AFAP1: variants seen among roughly 807,000 people sequenced by gnomAD.
AFAP1 encodes actin filament-associated protein 1.
Under a neutral mutation model 93.9 loss-of-function variants are expected in AFAP1, and 75 were observed. The ratio of observed to expected loss-of-function variants is 0.80; its 90% CI spans 0.66 to 0.97. AFAP1 has a LOEUF of 0.97. Among genes scored for constraint, AFAP1 ranks in the 50% least tolerant of loss-of-function variants. The pLI, the probability that AFAP1 is intolerant of heterozygous loss-of-function variation, is 0.00. For synonymous variants in AFAP1, 517 were observed against 430.7 expected, an observed-to-expected ratio of 1.20 and a Z score of -2.48; for missense variants, 1,201 against 1,050.8, an observed-to-expected ratio of 1.14 and a Z score of -1.98.
At chr4:7,825,016 G>A (rs561340329) in intron 6 of AFAP1, among the ~76,000 whole-genome samples, 5 of 152,198 alleles carry the variant, frequency 3.3e-5, no homozygotes, top group Middle Eastern at 3.4e-3. Context: ...AAAAGACTTG[G>A]CATTTGTATT....
intron 3 of AFAP1, chr4:7,862,268 G>A (rs62289320): frequency 1.3e-5 from 2 of 152,108 alleles, no homozygotes; most frequent in Non-Finnish European, 2.9e-5. Context: ...GGGAGGTCAA[G>A]GCTGCAGTGA....
chr4:7,927,855 T>C (rs753223056), intron 1 of AFAP1, among the ~76,000 whole-genome samples: 1 of 152,202 alleles, frequency 6.6e-6, no homozygotes, highest in Non-Finnish European at 1.5e-5. Context: ...AATGTGTATG[T>C]ATAAAGTTGC....
intron 9 of AFAP1, among the ~76,000 whole-genome samples, chr4:7,803,460 C>T (rs1719230416): frequency 6.6e-6 from 1 of 152,112 alleles, no homozygotes; most frequent in Non-Finnish European, 1.5e-5. Flanking sequence ...TCCCCAAAAC[C>T]ACAGGGGACC....
At chr4:7,915,140 T>G (rs2149229969) in intron 1 of AFAP1, among the ~76,000 whole-genome samples, 1 of 152,332 alleles carries the variant, frequency 6.6e-6, no homozygotes, top group South Asian at 2.1e-4. Flanking sequence ...CGCCTCGGCC[T>G]CCCAAAGTGC....
rs946934858 is a variant in AFAP1 at position 7,939,784 on chromosome 4, C to T, written c.-131G>A. On this transcript the variant is annotated 5_prime_UTR_variant, in exon 1 of 18. Transcript: ENST00000420658. The surrounding 1 kb of genome is among the most constrained non-coding windows in gnomAD (Gnocchi z 5.6). ...CCCGGGGCGGGGCCGCCGCCGCCGCCTCAGCCCGTGTACCCCGCTCGAGAT... is the reference window on the plus strand; with the variant it reads ...CCCGGGGCGGGGCCGCCGCCGCCGCTTCAGCCCGTGTACCCCGCTCGAGAT... 5.2e-6 allele frequency: 2 copies of T among 388,010 alleles called. No individual in the cohort carries two copies. The highest frequency in any genetic ancestry group is 1.0e-5 in the Non-Finnish European group (2 of 199,616). The allele number at this position is 388,010 out of a possible 1,614,324, so 24.0% of individuals were successfully genotyped here. A position where few individuals can be genotyped will look rare whatever the true frequency, so the allele number is the denominator to read the frequency against.
chr4:7,905,139 G>C (rs1327479200), intron 1 of AFAP1, among the ~76,000 whole-genome samples: 2 of 152,182 alleles, frequency 1.3e-5, no homozygotes, highest in South Asian at 2.1e-4. Context: ...CAAGCTCCTA[G>C]AAGTTGAAGG....
intron 11 of AFAP1, among the ~76,000 whole-genome samples, chr4:7,791,271 G>C (rs11944501): frequency 0.15 from 23,091 of 152,184 alleles, 1,832 homozygotes; most frequent in Middle Eastern, 0.2. Flanking sequence ...TTCATGACCA[G>C]CTTTGTTTTC....
chr4:7,841,662 C>T (rs1409580264), intron 5 of AFAP1, among the ~76,000 whole-genome samples: 3 of 152,080 alleles, frequency 2.0e-5, no homozygotes, highest in Non-Finnish European at 4.4e-5. Flanking sequence ...GTCATCTGGG[C>T]CCTGAATGAT....
chr4:7,779,834 C>T (rs1381685193), intron 13 of AFAP1, among the ~76,000 whole-genome samples: 1 of 152,202 alleles, frequency 6.6e-6, no homozygotes, highest in African/African-American at 2.4e-5. Context: ...TCAGAAAGTG[C>T]AAGGTCTCGC....
chr4:7,795,643 T>C (rs937417067), intron 10 of AFAP1, among the ~76,000 whole-genome samples: 2 of 152,010 alleles, frequency 1.3e-5, no homozygotes, highest in Admixed American at 6.5e-5. Context: ...GCCAGGATGG[T>C]CTCGATCTCC....
intron 3 of AFAP1, among the ~76,000 whole-genome samples, chr4:7,858,865 C>T (rs577658197): frequency 7.6e-4 from 116 of 152,324 alleles, no homozygotes; most frequent in South Asian, 5.0e-3. Context: ...GGTCCACAGA[C>T]AACAAAGCCA....
At chr4:7,863,499 A>G (rs768997416) in intron 3 of AFAP1, among the ~76,000 whole-genome samples, 2 of 152,200 alleles carry the variant, frequency 1.3e-5, no homozygotes, top group Non-Finnish European at 2.9e-5. Context: ...ATAGATGCAT[A>G]TTTTAGCCTA....
chr4:7,867,060 GGGGAGGGGAGGAGAA>G (rs1293549609), intron 3 of AFAP1, among the ~76,000 whole-genome samples: 4 of 131,908 alleles, frequency 3.0e-5, no homozygotes, highest in Non-Finnish European at 6.5e-5. Context: ...AGATGAAAGA[GGGGAGGGGAGGAGAA>G]GGGAGGGGAG....
rs1262343367 is a variant in AFAP1 at position 7,793,703 on chromosome 4, G to C, written c.1390C>G (p.Gln464Glu). 1 of 1,556,744 alleles carries C rather than the reference G, an allele frequency of 6.4e-7. No homozygotes were observed. Among genetic ancestry groups the C allele is most frequent in the Non-Finnish European group, 8.8e-7 (1 of 1,137,358 alleles). ...IDVEMSASVI[Q>E]TAKQTFCFMN... is the part of the protein sequence containing the mutation. ...TACCAGAAGGTCTGTTTGGCTGTCT[G>C]AATGACACTTGCAGACATCTCCACA... Residue 464 changes from glutamine to glutamate, a missense_variant, in exon 11 of 18, where the codon CAG becomes GAG. Physicochemically the swap from Gln to Glu is conservative, Grantham distance 29 (BLOSUM62 2). Transcript: ENST00000420658.
intron 5 of AFAP1, among the ~76,000 whole-genome samples, chr4:7,839,761 T>C (rs1028396410): frequency 1.3e-5 from 2 of 152,124 alleles, no homozygotes; most frequent in Non-Finnish European, 2.9e-5. Context: ...AAGCTTCCCT[T>C]ACCCCCGTTT....
At chr4:7,864,923 A>C (rs1310685793) in intron 3 of AFAP1, among the ~76,000 whole-genome samples, 1 of 152,084 alleles carries the variant, frequency 6.6e-6, no homozygotes, top group Non-Finnish European at 1.5e-5. Flanking sequence ...GGCTGCAGTG[A>C]GCTATGATCG....
intron 6 of AFAP1, among the ~76,000 whole-genome samples, chr4:7,836,048 A>G (rs1712259098): frequency 6.6e-6 from 1 of 152,142 alleles, no homozygotes; most frequent in African/African-American, 2.4e-5. Context: ...ACAACTGGGG[A>G]CCCCCGTGAA....
rs770938135 is a variant in AFAP1, at chr4:7,774,871, C to T, written c.1930G>A (p.Val644Ile). The T allele has an allele frequency of 2.0e-5, 32 of 1,614,202 alleles. No individual in the cohort carries two copies. In the East Asian group the frequency reaches 4.5e-4, roughly 22 times the overall value. Residue 644 changes from valine to isoleucine, a missense_variant, in exon 15 of 18, where the codon GTA becomes ATA. Transcript: ENST00000420658. The part of the protein sequence containing the change: ...AAQYKYGKNR[V>I]EADAKRLQTK... ...TGTAGCCGCTTGGCATCTGCTTCTACCCGGTTCTTGCCATACTTGTACTGG... is the reference window on the plus strand; with the variant it reads ...TGTAGCCGCTTGGCATCTGCTTCTATCCGGTTCTTGCCATACTTGTACTGG...
At chr4:7,937,217 C>A (rs1342057778) in intron 1 of AFAP1, among the ~76,000 whole-genome samples, 3 of 152,116 alleles carry the variant, frequency 2.0e-5, no homozygotes, top group African/African-American at 7.2e-5. Context: ...AGTATATACA[C>A]ATGTAACTCA....
Sources: allele counts gnomAD v4.1 joint callset (sites outside exome capture counted in the v4.1 genomes callset), GRCh38; gene constraint gnomAD v4.1.1; non-coding constraint Gnocchi (gnomAD v3.1); transcripts MANE v1.5; gene names NCBI Gene and HGNC (gene_info 2026-07-23, HGNC 2026-07-21).